The following PPFIA2 variants were observed in gnomAD, a reference collection of about 807,000 sequenced individuals.
PPFIA2 encodes the protein PPFI scaffold protein A2.
PPFIA2 carries 46 observed loss-of-function variants against 175.5 expected under a neutral mutation model. The ratio of observed to expected loss-of-function variants is 0.26; its 90% confidence interval spans 0.21 to 0.34. The LOEUF is 0.34. Among genes scored for constraint, PPFIA2 ranks in the 10% least tolerant of loss-of-function variants. The pLI, the probability that PPFIA2 is intolerant of heterozygous loss-of-function variation, is 1.00. For missense variants in PPFIA2, 1,179 were observed against 1,506.1 expected (o/e 0.78, Z 3.60); for synonymous variants, 568 against 511.4 (o/e 1.11, Z -1.49).
At chr12:81,280,655 T>C (rs2041878977) in intron 27 of PPFIA2, among the ~76,000 whole-genome samples, 1 of 152,118 alleles carries the variant, frequency 6.6e-6, no homozygotes, top group Non-Finnish European at 1.5e-5. Flanking sequence ...CAGACCCCTT[T>C]TTATCTGCTG....
At chr12:81,327,551 G>C (rs1468031862) in intron 21 of PPFIA2, among the ~76,000 whole-genome samples, 1 of 151,988 alleles carries the variant, frequency 6.6e-6, no homozygotes, top group Non-Finnish European at 1.5e-5. Flanking sequence ...AAATGAATGA[G>C]TCACTTAAAA....
At chr12:81,415,234 T>A (rs1194119630) in intron 7 of PPFIA2, among the ~76,000 whole-genome samples, 3 of 83,790 alleles carry the variant, frequency 3.6e-5, no homozygotes, top group African/African-American at 8.7e-5. Context: ...TATATATATA[T>A]ATATATATAT....
At chr12:81,300,632 T>C (rs2047584625) in intron 22 of PPFIA2, among the ~76,000 whole-genome samples, 1 of 152,178 alleles carries the variant, frequency 6.6e-6, no homozygotes, top group Non-Finnish European at 1.5e-5. Flanking sequence ...AAGTTCTGCA[T>C]GTAAGCTATT....
At chr12:81,394,555 CA>C (rs1408970659) in intron 8 of PPFIA2, among the ~76,000 whole-genome samples, 1 of 151,470 alleles carries the variant, frequency 6.6e-6, no homozygotes, top group African/African-American at 2.4e-5. Flanking sequence ...AACACAGGAA[CA>C]AAAAACCAAA....
intron 11 of PPFIA2, among the ~76,000 whole-genome samples, chr12:81,371,780 G>C (rs746496510): frequency 1.2e-4 from 18 of 151,698 alleles, no homozygotes; most frequent in Non-Finnish European, 1.8e-4. Flanking sequence ...GGAGCCCAAA[G>C]TAATCTTTAT....
At chr12:81,482,423 A>C (rs572663623) in intron 4 of PPFIA2, among the ~76,000 whole-genome samples, 1 of 152,330 alleles carries the variant, frequency 6.6e-6, no homozygotes, top group Non-Finnish European at 1.5e-5. Flanking sequence ...ATTCTACTAT[A>C]AAGACACATG....
intron 27 of PPFIA2, among the ~76,000 whole-genome samples, chr12:81,279,766 C>CA (rs1479365796): frequency 6.6e-6 from 1 of 151,822 alleles, no homozygotes; most frequent in African/African-American, 2.4e-5. Context: ...AACCGGACCC[C>CA]AAAAATCTAA....
chr12:81,605,294 T>C (rs774957584), intron 4 of PPFIA2, among the ~76,000 whole-genome samples: 1 of 151,512 alleles, frequency 6.6e-6, no homozygotes, highest in Non-Finnish European at 1.5e-5. Flanking sequence ...TTTTGATAAA[T>C]GGTCAGGGGA....
At chr12:81,598,176 A>T in intron 4 of PPFIA2, 1 of 1,398,140 alleles carries the variant, frequency 7.2e-7, no homozygotes, top group Non-Finnish European at 9.3e-7. Context: ...ACACAGTGAT[A>T]GCATTTTGAA....
chr12:81,757,567 A>C lies in PPFIA2; in HGVS notation c.-3+833T>G, dbSNP rs544291233. ...TTGGCTTAATTATCCCAGTGCTTAA[A>C]TTTAGCCGGAAGAATTTTATATCAG... On this transcript the variant is annotated intron_variant, in intron 2 of 32. Transcript: ENST00000549396. Among the ~76,000 whole-genome samples, 5 of 152,322 alleles carry C rather than the reference A, an allele frequency of 3.3e-5. No homozygotes were observed. The South Asian group carries it at 1.0e-3, about 32-fold the overall frequency.
chr12:81,709,156 G>C lies in PPFIA2; in HGVS notation c.250-32312C>G, dbSNP rs556704485. The stretch of plus-strand genomic sequence containing the variant: ...GGCTTCTTTCTGCCCAGCTCTGCAA[G>C]CCTATTCCAGCCTTAGAATCCTTAC... On this transcript the variant is annotated intron_variant, in intron 3 of 32. Coordinates refer to ENST00000549396, the MANE Select transcript of PPFIA2 (RefSeq NM_003625.5). Among the ~76,000 whole-genome samples the C allele has an allele frequency of 1.4e-4, 22 of 152,106 alleles. No homozygotes were observed. The East Asian group carries it at 4.1e-3, about 28-fold the overall frequency.
At chr12:81,697,989 T>C (rs1465125771) in intron 3 of PPFIA2, among the ~76,000 whole-genome samples, 2 of 152,130 alleles carry the variant, frequency 1.3e-5, no homozygotes, top group African/African-American at 4.8e-5. Flanking sequence ...TACAGACACA[T>C]TTGTTGAGCA....
intron 4 of PPFIA2, among the ~76,000 whole-genome samples, chr12:81,665,959 C>G (rs1157385904): frequency 6.6e-6 from 1 of 152,114 alleles, no homozygotes; most frequent in Non-Finnish European, 1.5e-5. Context: ...AGGATATGAA[C>G]AGACACTTCT....
At chr12:81,462,585 C>CATATATATATATATATATATATATAT (rs71098145) in intron 4 of PPFIA2, among the ~76,000 whole-genome samples, 2 of 124,672 alleles carry the variant, frequency 1.6e-5, no homozygotes, top group East Asian at 2.3e-4. Flanking sequence ...TATATATATA[C>CATATATATATATATATATATATATAT]ATATATATAT....
At chr12:81,539,014 C>T (rs1240262927) in intron 4 of PPFIA2, among the ~76,000 whole-genome samples, 1 of 151,838 alleles carries the variant, frequency 6.6e-6, no homozygotes, top group East Asian at 1.9e-4. Context: ...AGGGTGGCAG[C>T]AATAGAGGTG....
intron 4 of PPFIA2, among the ~76,000 whole-genome samples, chr12:81,650,210 C>T (rs548183243): frequency 3.3e-5 from 5 of 152,036 alleles, no homozygotes; most frequent in African/African-American, 7.2e-5. Context: ...GGGGCTTCAC[C>T]GGGTTAGCCA....
intron 4 of PPFIA2, among the ~76,000 whole-genome samples, chr12:81,529,944 C>A (rs998001051): frequency 1.3e-5 from 2 of 151,814 alleles, no homozygotes; most frequent in Non-Finnish European, 2.9e-5. Flanking sequence ...GTGTAACAAA[C>A]CTGCACATGT....
intron 8 of PPFIA2, among the ~76,000 whole-genome samples, chr12:81,396,267 G>T (rs1361279504): frequency 6.6e-6 from 1 of 152,010 alleles, no homozygotes; most frequent in Admixed American, 6.6e-5. Context: ...ATAAAACAAG[G>T]ATCCTAACTT....
intron 7 of PPFIA2, among the ~76,000 whole-genome samples, chr12:81,420,993 C>A (rs975214318): frequency 6.6e-6 from 1 of 151,982 alleles, no homozygotes; most frequent in Non-Finnish European, 1.5e-5. Flanking sequence ...ACATTGCAGG[C>A]CAAGAGACAG....
Sources: allele counts gnomAD v4.1 joint callset (sites outside exome capture counted in the v4.1 genomes callset), GRCh38; gene constraint gnomAD v4.1.1; transcripts MANE v1.5; gene names NCBI Gene and HGNC (gene_info 2026-07-23, HGNC 2026-07-21).